HCCS: variants seen among roughly 807,000 people sequenced by gnomAD.
HCCS encodes the protein holocytochrome c-type synthase.
A neutral mutation model predicts 24.2 loss-of-function variants in HCCS; 2 were observed. That is an observed-to-expected ratio of 0.08 (90% CI 0.03 to 0.26). The LOEUF is 0.26. HCCS is among the 10% of genes least tolerant of loss of function. The probability of loss-of-function intolerance (pLI) is 1.00; values close to 1 mark genes in which losing one functional copy is unlikely to be tolerated. For synonymous variants in HCCS, 73 were observed against 76.2 expected, an observed-to-expected ratio of 0.96 and a Z score of 0.22; for missense variants, 150 against 213.3, an observed-to-expected ratio of 0.70 and a Z score of 1.85.
chrX:11,114,033 C>T (rs2045431097), intron 2 of HCCS, among the ~76,000 whole-genome samples: 1 of 112,948 alleles, frequency 8.9e-6, no homozygotes, highest in Non-Finnish European at 1.9e-5. Context: ...TGCTCATTCT[C>T]TGAACCAGTT....
rs1227118225 is a variant in HCCS at position 11,117,426 on chromosome X, ATAT to A, written c.401+16_401+18del. 4.2e-6 allele frequency: 5 copies of A among 1,192,560 alleles called. No homozygotes were observed. Among genetic ancestry groups the A allele is most frequent in the African/African-American group, 1.8e-5 (1 of 56,964 alleles). On this transcript the variant is annotated intron_variant, in intron 4 of 6. Transcript: ENST00000380762. ...AATGTTAAAGAAAGGGTGAGTGAACATATTATTTAAGATAAAAATTTCTTGTCA... is the reference window on the plus strand; with the variant it reads ...AATGTTAAAGAAAGGGTGAGTGAACATATTTAAGATAAAAATTTCTTGTCA...
chrX:11,113,204 G>A (rs1046223213), intron 2 of HCCS, among the ~76,000 whole-genome samples: 3 of 111,988 alleles, frequency 2.7e-5, no homozygotes, highest in Non-Finnish European at 3.8e-5. Flanking sequence ...TGCTTACTGA[G>A]TACTAATGTT....
Position 11,118,504 on chromosome X carries a change from G to C in HCCS, c.405G>C (p.Trp135Cys). ...MFWNAMLKKGWKWKDEDISQK... is the reference protein window; with the variant it reads ...MFWNAMLKKGCKWKDEDISQK... The stretch of plus-strand genomic sequence containing the variant: ...TTTACCAAATATTCTTTCCTAGGTG[G>C]AAGTGGAAGGATGAGGATATCAGTC... Residue 135 changes from tryptophan to cysteine, a missense_variant, in exon 5 of 7, where the codon TGG becomes TGC. This residue lies in a region of HCCS where 55 missense variants were observed against 134.2 expected (regional missense o/e 0.41). Transcript: ENST00000380762. The C allele has an allele frequency of 8.4e-7, 1 of 1,192,343 alleles. No individual in the cohort carries two copies. The highest frequency in any genetic ancestry group is 1.1e-6 in the Non-Finnish European group (1 of 877,816).
At position 11,114,933 on chromosome X, in the gene HCCS, C is replaced by G. The variant is rs1413276234; in HGVS notation, c.199C>G (p.Pro67Ala). 1 of 1,205,768 alleles carries G rather than the reference C, an allele frequency of 8.3e-7. No individual in the cohort carries two copies. Among genetic ancestry groups the G allele is most frequent in the African/African-American group, 1.7e-5 (1 of 57,702 alleles). Reference sequence around the variant, plus strand: ...ACGCGCCTATGAGTACGTGGAGTGTCCCATTAGGGGCACTGCGGCTGAGAA... The same window carrying G: ...ACGCGCCTATGAGTACGTGGAGTGTGCCATTAGGGGCACTGCGGCTGAGAA... ...QERAYEYVECPIRGTAAENKE... is the reference protein window; with the variant it reads ...QERAYEYVECAIRGTAAENKE... Residue 67 changes from proline to alanine, a missense_variant, in exon 3 of 7, where the codon CCC becomes GCC. Transcript: ENST00000380762.
intron 5 of HCCS, 73 bp from the exon 6 acceptor site, chrX:11,120,834 A>G: frequency 2.2e-6 from 2 of 893,475 alleles, no homozygotes; most frequent in South Asian, 4.0e-5. Context: ...GATATTACTA[A>G]AAAATTAGAA....
intron 2 of HCCS, 102 bp downstream of exon 2, chrX:11,112,262 A>AT: frequency 1.6e-6 from 1 of 610,974 alleles, no homozygotes; most frequent in Middle Eastern, 4.0e-4. Context: ...AGGTGGGTGG[A>AT]TTGCTTGAGC....
chrX:11,114,989 A>G lies in HCCS; in HGVS notation c.252+3A>G. 1 of 1,205,747 alleles carries G rather than the reference A, an allele frequency of 8.3e-7. No individual in the cohort carries two copies. Among genetic ancestry groups the G allele is most frequent in the Non-Finnish European group, 1.1e-6 (1 of 889,897 alleles). The stretch of plus-strand genomic sequence containing the variant: ...AGAACCTAGATCCTTCAAATCTGGT[A>G]ATCCACACTCATCTTTTCTTTCTGG... On this transcript the variant is annotated splice_donor_region_variant and intron_variant, in intron 3 of 6. Coordinates refer to ENST00000380762, the MANE Select transcript of HCCS (RefSeq NM_005333.5).
At chrX:11,117,564 T>C in intron 4 of HCCS, 149 bp downstream of exon 4, 1 of 503,685 alleles carries the variant, frequency 2.0e-6, no homozygotes, top group Non-Finnish European at 3.4e-6. Context: ...CCTGTCAGAA[T>C]GTAAGTGCGA....
At chrX:11,115,838 C>T (rs2045443612) in intron 3 of HCCS, among the ~76,000 whole-genome samples, 1 of 111,842 alleles carries the variant, frequency 8.9e-6, no homozygotes, top group Non-Finnish European at 1.9e-5. Context: ...GTTCTGTGGG[C>T]CGTAGGGTCT....
At position 11,119,123 on chromosome X, in the gene HCCS, C is replaced by T. The variant is rs772182022; in HGVS notation, c.521+503C>T. Reference sequence around the variant, plus strand: ...CCTGCCCAGATTCAAGGGGAGGGGACAGAGACCCTGCCTCTCAGCAGAAGG... The same window carrying T: ...CCTGCCCAGATTCAAGGGGAGGGGATAGAGACCCTGCCTCTCAGCAGAAGG... On this transcript the variant is annotated intron_variant, in intron 5 of 6. Coordinates refer to ENST00000380762, the MANE Select transcript of HCCS (RefSeq NM_005333.5). 3.6e-5 allele frequency among the ~76,000 whole-genome samples: 4 copies of T among 111,950 alleles called. No homozygotes were observed. In the Admixed American group the frequency reaches 3.8e-4, roughly 11 times the overall value.
intron 6 of HCCS, 51 bp downstream of exon 6, chrX:11,121,044 C>A: frequency 1.0e-6 from 1 of 980,828 alleles, no homozygotes; most frequent in Non-Finnish European, 1.5e-6. Context: ...TCAGGGTCAA[C>A]TTTCTCTTCA....
At chrX:11,111,696 C>T (rs1207059414) in intron 1 of HCCS, among the ~76,000 whole-genome samples, 178 bp downstream of exon 1, 2 of 111,812 alleles carry the variant, frequency 1.8e-5, no homozygotes, top group African/African-American at 6.5e-5. Context: ...CTCCTCCACC[C>T]GGGTCACCAC....
intron 2 of HCCS, among the ~76,000 whole-genome samples, chrX:11,112,601 C>G (rs544803545): frequency 3.6e-4 from 41 of 112,713 alleles, no homozygotes; most frequent in African/African-American, 1.3e-3. Context: ...AGGTTTGTGA[C>G]TCTAAACAAG....
chrX:11,120,899 A>G lies in HCCS; in HGVS notation c.522-8A>G. 1 of 1,180,919 alleles carries G rather than the reference A, an allele frequency of 8.5e-7. No homozygotes were observed. The highest frequency in any genetic ancestry group is 1.2e-6 in the Non-Finnish European group (1 of 867,242). ...TTTAACAGACTTTTCTTATTTGGGGAATTCTAGAGAGTGTCCTTGTGGTCC... is the reference window on the plus strand; with the variant it reads ...TTTAACAGACTTTTCTTATTTGGGGGATTCTAGAGAGTGTCCTTGTGGTCC... On this transcript the variant is annotated splice_region_variant and splice_polypyrimidine_tract_variant and intron_variant, in intron 5 of 6. Transcript: ENST00000380762.
At chrX:11,114,689 AGTTCTTGAT>A in intron 2 of HCCS, 137 bp from the exon 3 acceptor site, 1 of 543,150 alleles carries the variant, frequency 1.8e-6, no homozygotes, top group Non-Finnish European at 3.2e-6. Context: ...TAGCTAGTTC[AGTTCTTGAT>A]AGATTTAAAC....
intron 2 of HCCS, among the ~76,000 whole-genome samples, chrX:11,113,234 T>C (rs2045425432): frequency 8.9e-6 from 1 of 112,228 alleles, no homozygotes; most frequent in Admixed American, 9.4e-5. Flanking sequence ...ATTCATTTCT[T>C]CAGTCAGCCA....
intron 5 of HCCS, 30 bp downstream of exon 5, chrX:11,118,650 A>G (rs768337842): frequency 3.1e-5 from 37 of 1,189,456 alleles, no homozygotes; most frequent in Non-Finnish European, 4.1e-5. Context: ...TAAATGTTTC[A>G]AGCATCTTTG....
rs2045502040 is a variant in HCCS, at chrX:11,122,751, C to G, written c.*941C>G. On this transcript the variant is annotated 3_prime_UTR_variant, in exon 7 of 7. Transcript: ENST00000380762. ...TTTTCCCAGATGGAGAACGCTTCAA[C>G]TCAGTCTAGATTTTTTTTGTTTGTT... 8.9e-6 allele frequency: 1 copy of G among 112,447 alleles called. No individual in the cohort carries two copies. Among genetic ancestry groups the G allele is most frequent in the Non-Finnish European group, 1.9e-5 (1 of 53,303 alleles). 9.3% of individuals were successfully genotyped at this position (112,447 alleles called of 1,213,427 possible).
chrX:11,120,165 A>G (rs1469556702), intron 5 of HCCS: 1 of 219,815 alleles, frequency 4.5e-6, no homozygotes, highest in Non-Finnish European at 8.5e-6. Context: ...GCAGCTAACA[A>G]TATAGGTGGC....
Sources: allele counts gnomAD v4.1 joint callset (sites outside exome capture counted in the v4.1 genomes callset), GRCh38; gene constraint gnomAD v4.1.1; regional missense constraint gnomAD v4.1.1; transcripts MANE v1.5; gene names NCBI Gene and HGNC (gene_info 2026-07-23, HGNC 2026-07-21).